MARCHF3: variants seen among roughly 807,000 people sequenced by gnomAD.
MARCHF3 encodes the protein membrane associated ring-CH-type finger 3, also known as E3 ubiquitin-protein ligase MARCHF3.
A neutral mutation model predicts 24.2 loss-of-function variants in MARCHF3; 13 were observed. The ratio of observed to expected loss-of-function variants is 0.54; its 90% CI spans 0.35 to 0.85. The LOEUF is 0.85. MARCHF3 is among the 40% of genes least tolerant of loss of function. The pLI is 0.01. For missense variants in MARCHF3, 276 were observed against 325.0 expected (o/e 0.85, Z 1.16); for synonymous variants, 144 against 137.3 (o/e 1.05, Z -0.34).
chr5:126,965,235 G>A (rs77535398), intron 1 of MARCHF3, among the ~76,000 whole-genome samples: 4 of 152,116 alleles, frequency 2.6e-5, no homozygotes, highest in Admixed American at 2.0e-4. Flanking sequence ...CCAGATTACA[G>A]ATGAAGAAAC....
At chr5:126,886,070 C>T (rs899937533) in intron 3 of MARCHF3, among the ~76,000 whole-genome samples, 4 of 151,646 alleles carry the variant, frequency 2.6e-5, no homozygotes, top group African/African-American at 9.7e-5. Flanking sequence ...ACCACATATC[C>T]TCTTAAAAGT....
At chr5:126,909,026 T>G (rs1160922381) in intron 3 of MARCHF3, among the ~76,000 whole-genome samples, 1 of 152,170 alleles carries the variant, frequency 6.6e-6, no homozygotes, top group East Asian at 1.9e-4. Flanking sequence ...TGTTTGTTAG[T>G]TTTCCTTCTG....
intron 1 of MARCHF3, among the ~76,000 whole-genome samples, chr5:126,938,865 T>C (rs1312949241): frequency 6.6e-6 from 1 of 152,220 alleles, no homozygotes; most frequent in Non-Finnish European, 1.5e-5. Context: ...CCAAAATAAA[T>C]AATTTTCCTT....
chr5:126,925,220 AG>A (rs1387978943), intron 1 of MARCHF3, among the ~76,000 whole-genome samples: 1 of 152,054 alleles, frequency 6.6e-6, no homozygotes, highest in African/African-American at 2.4e-5. Context: ...CCCAGTGATG[AG>A]TTAGAGGGAG....
chr5:126,889,461 A>C (rs180778219), intron 3 of MARCHF3, among the ~76,000 whole-genome samples: 1 of 152,022 alleles, frequency 6.6e-6, no homozygotes, highest in Admixed American at 6.6e-5. Context: ...GTGTAGTGAG[A>C]ATGTGAGTAA....
intron 4 of MARCHF3, among the ~76,000 whole-genome samples, chr5:126,874,348 G>A (rs759812528): frequency 9.9e-5 from 15 of 152,204 alleles, no homozygotes; most frequent in Admixed American, 2.6e-4. Context: ...AGCACTTTGG[G>A]AGGCCGAGGC....
intron 1 of MARCHF3, among the ~76,000 whole-genome samples, chr5:126,956,673 C>CAAA (rs1410549848): frequency 1.6e-5 from 2 of 128,124 alleles, no homozygotes; most frequent in African/African-American, 3.3e-5. Flanking sequence ...AAAAAAAAAC[C>CAAA]AAAAAAACAA....
At chr5:126,957,434 GATAA>G (rs1750487547) in intron 1 of MARCHF3, among the ~76,000 whole-genome samples, 1 of 151,976 alleles carries the variant, frequency 6.6e-6, no homozygotes. Context: ...TCCAAGTGCA[GATAA>G]ATACTCATCC....
At chr5:127,012,972 A>G (rs1356488115) in intron 1 of MARCHF3, among the ~76,000 whole-genome samples, 1 of 152,156 alleles carries the variant, frequency 6.6e-6, no homozygotes. Context: ...AATTCCCAAC[A>G]CTCAACTGAA....
At position 127,030,331 on chromosome 5, in the gene MARCHF3, C is replaced by G. The variant is rs1010598357; in HGVS notation, c.-57+19G>C. On this transcript the variant is annotated intron_variant, in intron 1 of 4. Coordinates refer to ENST00000308660, the MANE Select transcript of MARCHF3 (RefSeq NM_178450.5). ...AACCGCGCCGAGAGGAGCCGCTAGC[C>G]CGGCGCGCGGCCACTCACCGTCCTC... 1.3e-5 allele frequency: 2 copies of G among 152,236 alleles called. No homozygotes were observed. Among genetic ancestry groups the G allele is most frequent in the African/African-American group, 2.4e-5 (1 of 41,462 alleles). The allele number at this position is 152,236 out of a possible 1,614,324, so 9.4% of individuals were successfully genotyped here. A position where few individuals can be genotyped will look rare whatever the true frequency, so the allele number is the denominator to read the frequency against.
chr5:126,916,684 G>GACACACACAC lies in MARCHF3; in HGVS notation c.188+1299_188+1300insGTGTGTGTGT, dbSNP rs1409013068. On this transcript the variant is annotated intron_variant, in intron 2 of 4. Coordinates refer to ENST00000308660, the MANE Select transcript of MARCHF3 (RefSeq NM_178450.5). ...AGCAGGTAAAAATACCTGACAGACA[G>GACACACACAC]ACAGACAGACACACACACACACACA... is the stretch of plus-strand genomic sequence containing the variant. Among the ~76,000 whole-genome samples, 426 of 93,370 alleles carry GACACACACAC rather than the reference G, an allele frequency of 4.6e-3. 1 individual carries two copies. The highest frequency in any genetic ancestry group is 0.018 in the African/African-American group (392 of 21,242). The allele number at this position is 93,370 out of a possible 152,430, so 61.3% of individuals were successfully genotyped here.
At chr5:126,933,768 C>T (rs1749552032) in intron 1 of MARCHF3, among the ~76,000 whole-genome samples, 2 of 152,070 alleles carry the variant, frequency 1.3e-5, no homozygotes. Flanking sequence ...TTTTAAAGCC[C>T]TTAAATGCTT....
chr5:126,898,869 A>C, intron 3 of MARCHF3: 1 of 985,038 alleles, frequency 1.0e-6, no homozygotes, highest in South Asian at 4.7e-5. Context: ...ATGAGTAGAA[A>C]ACATTTCATT....
intron 3 of MARCHF3, among the ~76,000 whole-genome samples, chr5:126,884,533 A>G (rs984661160): frequency 2.6e-5 from 4 of 152,226 alleles, no homozygotes; most frequent in African/African-American, 9.6e-5. Flanking sequence ...TAATCTGTCC[A>G]AAACAGAACT....
chr5:126,920,839 A>G (rs781400905), intron 1 of MARCHF3, among the ~76,000 whole-genome samples: 44 of 152,120 alleles, frequency 2.9e-4, no homozygotes, highest in Non-Finnish European at 5.0e-4. Flanking sequence ...CCTTAAATTC[A>G]TTTTATATAT....
At position 126,951,456 on chromosome 5, in the gene MARCHF3, G is replaced by C. The variant is rs1750228671; in HGVS notation, c.-56-33229C>G. ...TTTAACATCTCCATGTAGCCGAGTG[G>C]AGACTTCTCAAATTTAACATGTTAA... On this transcript the variant is annotated intron_variant, in intron 1 of 4. Transcript: ENST00000308660. Among the ~76,000 whole-genome samples the C allele has an allele frequency of 3.3e-5, 5 of 152,080 alleles. No homozygotes were observed. In the South Asian group the frequency reaches 1.0e-3, roughly 32 times the overall value.
At chr5:126,949,076 C>A (rs1021922456) in intron 1 of MARCHF3, among the ~76,000 whole-genome samples, 43 of 152,172 alleles carry the variant, frequency 2.8e-4, no homozygotes, top group African/African-American at 7.2e-4. Context: ...ATTTTAACTT[C>A]ATTAAAAGGA....
chr5:127,022,183 G>C (rs541139801), intron 1 of MARCHF3, among the ~76,000 whole-genome samples: 1 of 152,312 alleles, frequency 6.6e-6, no homozygotes, highest in South Asian at 2.1e-4. Flanking sequence ...GGTTTTGTGA[G>C]GCTAATCACT....
chr5:126,997,664 T>C (rs1751994371), intron 1 of MARCHF3, among the ~76,000 whole-genome samples: 1 of 152,244 alleles, frequency 6.6e-6, no homozygotes, highest in African/African-American at 2.4e-5. Flanking sequence ...TATTCAGTTA[T>C]TTTTCTAAAT....
Sources: gnomAD v4.1 joint callset for allele counts (sites outside exome capture counted in the v4.1 genomes callset) on GRCh38, gnomAD v4.1.1 for gene constraint, MANE v1.5 for transcripts, NCBI Gene and HGNC (gene_info 2026-07-23, HGNC 2026-07-21) for gene names.